The following CDH13 variants were observed in gnomAD, a reference collection of about 807,000 sequenced individuals.
CDH13 encodes the protein cadherin-13.
In CDH13, 24 loss-of-function variants were observed where a neutral mutation model predicts 63.8. That is an observed-to-expected ratio of 0.38 (90% confidence interval 0.27 to 0.53). The LOEUF (loss-of-function observed/expected upper bound fraction) is 0.53, where lower values mean the gene tolerates loss of function less well. Ranked by LOEUF, CDH13 falls within the 20% of genes least tolerant of loss-of-function variation. The pLI is 0.85. For synonymous variants in CDH13, 503 were observed against 355.3 expected (o/e 1.42, Z -4.67); for missense variants, 1,049 against 903.1 (o/e 1.16, Z -2.07).
intron 2 of CDH13, among the ~76,000 whole-genome samples, chr16:82,962,567 A>G (rs1374246333): frequency 6.6e-6 from 1 of 152,222 alleles, no homozygotes; most frequent in African/African-American, 2.4e-5. Context: ...TGCAACTCAT[A>G]AGGCTGAAGA....
chr16:83,723,246 G>T (rs567647322), intron 10 of CDH13, among the ~76,000 whole-genome samples: 5 of 152,194 alleles, frequency 3.3e-5, no homozygotes, highest in Non-Finnish European at 7.3e-5. Context: ...CTCTGTATAC[G>T]ACTTCATCTT....
At chr16:82,855,711 C>T (rs987566867) in intron 1 of CDH13, among the ~76,000 whole-genome samples, 1 of 152,196 alleles carries the variant, frequency 6.6e-6, no homozygotes, top group South Asian at 2.1e-4. Context: ...TGCCAGACCA[C>T]AGCGTTCTTT....
At chr16:82,722,213 GTTCAC>G (rs1185872428) in intron 1 of CDH13, among the ~76,000 whole-genome samples, 1 of 152,158 alleles carries the variant, frequency 6.6e-6, no homozygotes, top group African/African-American at 2.4e-5. Context: ...GAAATGTATA[GTTCAC>G]TTAACTGAAA....
chr16:83,026,386 A>G (rs1915802399), intron 2 of CDH13, among the ~76,000 whole-genome samples: 1 of 152,118 alleles, frequency 6.6e-6, no homozygotes, highest in African/African-American at 2.4e-5. Flanking sequence ...TCTCTCTGAG[A>G]CTCAGTCTCT....
intron 1 of CDH13, among the ~76,000 whole-genome samples, chr16:82,751,030 G>A (rs1046567870): frequency 2.0e-5 from 3 of 152,146 alleles, no homozygotes; most frequent in South Asian, 2.1e-4. Context: ...ACTTAACTGG[G>A]CTTCTACCAT....
At chr16:83,621,734 G>T (rs759661212) in intron 8 of CDH13, among the ~76,000 whole-genome samples, 1 of 151,050 alleles carries the variant, frequency 6.6e-6, no homozygotes, top group African/African-American at 2.4e-5. Context: ...TGATCCACCC[G>T]CCTCGGCCTC....
chr16:82,892,259 C>T (rs986635396), intron 2 of CDH13, among the ~76,000 whole-genome samples: 3 of 152,174 alleles, frequency 2.0e-5, no homozygotes, highest in African/African-American at 7.2e-5. Flanking sequence ...ACGTACAAAA[C>T]ACTCAATAAG....
At chr16:82,731,470 G>A (rs752266463) in intron 1 of CDH13, among the ~76,000 whole-genome samples, 31 of 152,090 alleles carry the variant, frequency 2.0e-4, no homozygotes, top group Non-Finnish European at 3.4e-4. Context: ...ATTGTATATT[G>A]CCCCCCAGAA....
At chr16:83,099,531 C>A (rs1212288501) in intron 3 of CDH13, among the ~76,000 whole-genome samples, 1 of 151,500 alleles carries the variant, frequency 6.6e-6, no homozygotes, top group Non-Finnish European at 1.5e-5. Context: ...GCCATGTTGG[C>A]CAGGCTGGTC....
intron 4 of CDH13, among the ~76,000 whole-genome samples, chr16:83,135,870 AG>A (rs2036258892): frequency 6.6e-6 from 1 of 152,230 alleles, no homozygotes; most frequent in African/African-American, 2.4e-5. Flanking sequence ...TGGCATTTGC[AG>A]CAACCTGGAT....
At chr16:82,713,674 C>G (rs1481068233) in intron 1 of CDH13, among the ~76,000 whole-genome samples, 1 of 152,038 alleles carries the variant, frequency 6.6e-6, no homozygotes, top group African/African-American at 2.4e-5. Context: ...CCAGCAAAAG[C>G]AAATGCATAC....
Position 83,047,984 on chromosome 16 carries a change from T to C in CDH13, c.366+15766T>C, listed in dbSNP as rs1036080633. The stretch of plus-strand genomic sequence containing the variant: ...TGCACTCAGACTCCTCAAAAAAACA[T>C]TTAACAAAATATGTTATCTTTTTTG... On this transcript the variant is annotated intron_variant, in intron 3 of 13. Coordinates refer to ENST00000567109, the MANE Select transcript of CDH13 (RefSeq NM_001257.5). The surrounding 1 kb of genome is among the most constrained non-coding windows in gnomAD (Gnocchi z 4.9). Among the ~76,000 whole-genome samples, 2 of 152,164 alleles carry C rather than the reference T, an allele frequency of 1.3e-5. No individual in the cohort carries two copies. Among genetic ancestry groups the C allele is most frequent in the Admixed American group, 1.3e-4 (2 of 15,264 alleles).
intron 6 of CDH13, among the ~76,000 whole-genome samples, chr16:83,446,169 G>A (rs1430284638): frequency 6.6e-6 from 1 of 151,978 alleles, no homozygotes; most frequent in Admixed American, 6.6e-5. Context: ...TAGGCATGGT[G>A]GCATGTGCCT....
At chr16:83,551,638 T>G (rs1012687714) in intron 7 of CDH13, among the ~76,000 whole-genome samples, 3 of 152,214 alleles carry the variant, frequency 2.0e-5, no homozygotes, top group Admixed American at 1.3e-4. Context: ...CTCTTTTTTT[T>G]CCTAGCAAAA....
chr16:83,157,647 C>T (rs376746643), intron 4 of CDH13, among the ~76,000 whole-genome samples: 71 of 151,154 alleles, frequency 4.7e-4, no homozygotes, highest in African/African-American at 1.5e-3. Context: ...GTCATCCCAG[C>T]GCTTTGGGAG....
chr16:83,041,881 C>T (rs1917359349), intron 3 of CDH13, among the ~76,000 whole-genome samples: 1 of 152,166 alleles, frequency 6.6e-6, no homozygotes, highest in South Asian at 2.1e-4. Flanking sequence ...TCATTCAGTG[C>T]CTTGCTAATG....
intron 2 of CDH13, among the ~76,000 whole-genome samples, chr16:82,860,840 C>G (rs1218394264): frequency 1.3e-5 from 2 of 152,154 alleles, no homozygotes; most frequent in African/African-American, 2.4e-5. Flanking sequence ...CAGTGCTTTG[C>G]TTTATTCCAC....
At chr16:82,991,247 G>A (rs749372842) in intron 2 of CDH13, among the ~76,000 whole-genome samples, 1 of 152,116 alleles carries the variant, frequency 6.6e-6, no homozygotes, top group African/African-American at 2.4e-5. Context: ...TTGATCACAC[G>A]CTCTTAGGTA....
chr16:83,298,559 TGG>T (rs2089657742), intron 5 of CDH13, among the ~76,000 whole-genome samples: 1 of 152,126 alleles, frequency 6.6e-6, no homozygotes, highest in Non-Finnish European at 1.5e-5. Flanking sequence ...TAAGAATCAG[TGG>T]GTTAGAGCTT....
Sources: allele counts gnomAD v4.1 joint callset (sites outside exome capture counted in the v4.1 genomes callset), GRCh38; gene constraint gnomAD v4.1.1; non-coding constraint Gnocchi (gnomAD v3.1); transcripts MANE v1.5; gene names NCBI Gene and HGNC (gene_info 2026-07-23, HGNC 2026-07-21).